Variants in TPM1 observed in about 807,000 individuals in gnomAD.
The protein encoded by TPM1 is tropomyosin alpha-1 chain.
A neutral mutation model predicts 42.9 loss-of-function variants in TPM1; 24 were observed. The ratio of observed to expected loss-of-function variants is 0.56; its 90% CI spans 0.41 to 0.79. The LOEUF (loss-of-function observed/expected upper bound fraction) is 0.79, where lower values mean the gene tolerates loss of function less well. Ranked by LOEUF, TPM1 falls within the 30% of genes least tolerant of loss-of-function variation. The pLI, the probability that TPM1 is intolerant of heterozygous loss-of-function variation, is 0.00. For synonymous variants in TPM1, 136 were observed against 130.1 expected (o/e 1.05, Z -0.31); for missense variants, 158 against 351.8 (o/e 0.45, Z 4.41).
At position 63,061,914 on chromosome 15, in the gene TPM1, A is replaced by C; in HGVS notation, c.639+126A>C. ...GGCAATATTGTGAGGTGATTTTTGG[A>C]GAGTTACTAGATAACAAATTCTTTT... On this transcript the variant is annotated intron_variant, in intron 6 of 9. Coordinates refer to ENST00000403994, the MANE Select transcript of TPM1 (RefSeq NM_001018005.2). 8.4e-6 allele frequency: 7 copies of C among 831,180 alleles called. No homozygotes were observed. The South Asian group carries it at 1.1e-4, about 13-fold the overall frequency. The allele number at this position is 831,180 out of a possible 1,614,324, so 51.5% of individuals were successfully genotyped here.
At chr15:63,069,802 C>A, downstream of TPM1, 1 of 1,604,214 alleles carries the variant, frequency 6.2e-7, no homozygotes, top group Non-Finnish European at 8.5e-7. Flanking sequence ...TTAACTGCCT[C>A]TCACCAAGTC....
chr15:63,051,634 C>T (rs1425378041), intron 2 of TPM1, among the ~76,000 whole-genome samples: 2 of 151,916 alleles, frequency 1.3e-5, no homozygotes, highest in African/African-American at 2.4e-5. Flanking sequence ...AAACCTTCTT[C>T]GTATAACTAC....
At position 63,044,176 on chromosome 15, in the gene TPM1, C is replaced by T. The variant is rs373592237; in HGVS notation, c.240+24C>T. On this transcript the variant is annotated intron_variant, in intron 2 of 9. Coordinates refer to ENST00000403994, the MANE Select transcript of TPM1 (RefSeq NM_001018005.2). ...ATGTAAGTGCACGCTCACACTGCTTCCCTCACCTCTTGCCTGCGTGGCCAC... is the reference window on the plus strand; with the variant it reads ...ATGTAAGTGCACGCTCACACTGCTTTCCTCACCTCTTGCCTGCGTGGCCAC... The T allele has an allele frequency of 3.8e-5, 61 of 1,614,168 alleles. 1 individual carries two copies. The South Asian group carries it at 5.3e-4, about 14-fold the overall frequency.
chr15:63,064,988 G>A lies in TPM1; in HGVS notation c.851+846G>A, dbSNP rs999743838. 1.8e-5 allele frequency: 18 copies of A among 985,096 alleles called. No homozygotes were observed. In the African/African-American group the frequency reaches 3.1e-4, roughly 17 times the overall value. 61.0% of individuals were successfully genotyped at this position (985,096 alleles called of 1,614,324 possible). On this transcript the variant is annotated intron_variant, in intron 9 of 9. Transcript: ENST00000403994. ...TCTCAAGAAAAAAAAGAATGGTAGAGTAAAAAGAACCCTCTGCTGAGTAAC... is the reference window on the plus strand; with the variant it reads ...TCTCAAGAAAAAAAAGAATGGTAGAATAAAAAGAACCCTCTGCTGAGTAAC...
chr15:63,070,304 A>ATGTGTGTG (rs775945347), downstream of TPM1: 1 of 794,034 alleles, frequency 1.3e-6, no homozygotes, highest in South Asian at 4.5e-5. Context: ...ATATATATAT[A>ATGTGTGTG]TATGTGTGTG....
intron 8 of TPM1, chr15:63,063,277 A>C: frequency 3.0e-6 from 3 of 985,422 alleles, no homozygotes; most frequent in Non-Finnish European, 3.6e-6. Flanking sequence ...AAATATCTAC[A>C]TCACAGAAGG....
intron 6 of TPM1, 93 bp from the exon 7 acceptor site, chr15:63,062,122 C>A: frequency 9.0e-7 from 1 of 1,115,254 alleles, no homozygotes; most frequent in Non-Finnish European, 1.4e-6. Flanking sequence ...AGATCCTTAA[C>A]ATCTGTTGGC....
chr15:63,063,272 T>C lies in TPM1; in HGVS notation c.772+627T>C, dbSNP rs55982639. Reference sequence around the variant, plus strand: ...GAACAAGAAAGAAAAAAGACAAATATCTACATCACAGAAGGGATTAGAGAA... The same window carrying C: ...GAACAAGAAAGAAAAAAGACAAATACCTACATCACAGAAGGGATTAGAGAA... On this transcript the variant is annotated intron_variant, in intron 8 of 9. Coordinates refer to ENST00000403994, the MANE Select transcript of TPM1 (RefSeq NM_001018005.2). 1.7e-3 allele frequency: 1,646 copies of C among 985,352 alleles called. 20 individuals carry two copies. In the African/African-American group the frequency reaches 0.027, roughly 16 times the overall value. 61.0% of individuals were successfully genotyped at this position (985,352 alleles called of 1,614,324 possible).
downstream of TPM1, chr15:63,070,998 T>C: frequency 6.3e-7 from 1 of 1,597,016 alleles, no homozygotes; most frequent in Non-Finnish European, 8.5e-7. Flanking sequence ...TCATCCTGTG[T>C]TTGTGATTGA....
intron 5 of TPM1, 178 bp from the exon 6 acceptor site, chr15:63,061,535 G>A: frequency 1.3e-6 from 1 of 745,720 alleles, no homozygotes; most frequent in Non-Finnish European, 2.3e-6. Context: ...GCTGTTGCGA[G>A]GTTGGGGGGC....
At chr15:63,050,812 C>A (rs1280144372) in intron 2 of TPM1, among the ~76,000 whole-genome samples, 3 of 152,216 alleles carry the variant, frequency 2.0e-5, no homozygotes, top group Non-Finnish European at 4.4e-5. Flanking sequence ...TTAGATGTAG[C>A]TTGGGCTGTG....
At chr15:63,046,708 T>G (rs531817078) in intron 2 of TPM1, 14 of 152,744 alleles carry the variant, frequency 9.2e-5, no homozygotes, top group African/African-American at 3.1e-4. Context: ...TATCTGATAT[T>G]TATAGCATAT....
chr15:63,044,287 G>C, intron 2 of TPM1, 135 bp downstream of exon 2: 3 of 1,324,674 alleles, frequency 2.3e-6, no homozygotes, highest in Non-Finnish European at 3.2e-6. Flanking sequence ...CCATGGCCCA[G>C]AGCATTGGAT....
chr15:63,070,450 G>A, downstream of TPM1: 1 of 994,226 alleles, frequency 1.0e-6, no homozygotes, highest in Non-Finnish European at 1.2e-6. Context: ...CATGCCAGAA[G>A]CCCCTGGTTG....
chr15:63,059,835 CG>C (rs1179655341), intron 4 of TPM1, 155 bp downstream of exon 4: 2 of 559,930 alleles, frequency 3.6e-6, no homozygotes, highest in Non-Finnish European at 6.7e-6. Context: ...GTCCAGAAAA[CG>C]GTTCTAATTT....
At chr15:63,064,609 T>G in intron 9 of TPM1, 10 of 1,035,120 alleles carry the variant, frequency 9.7e-6, no homozygotes, top group Non-Finnish European at 1.2e-5. Flanking sequence ...GATAAGGAAA[T>G]TGGCATGATC....
At chr15:63,066,990 G>A (rs55824716), downstream of TPM1, among the ~76,000 whole-genome samples, 2,170 of 151,938 alleles carry the variant, frequency 0.014, 53 homozygotes, top group African/African-American at 0.049. Flanking sequence ...CAGCAATTAA[G>A]TGATTTTTTT....
intron 2 of TPM1, chr15:63,048,608 C>T (rs1414441382): frequency 1.3e-6 from 2 of 1,533,394 alleles, no homozygotes; most frequent in Non-Finnish European, 1.8e-6. Flanking sequence ...AGGCGGTGCG[C>T]AGGAAGATCC....
downstream of TPM1, chr15:63,070,454 C>T (rs969499892): frequency 7.5e-5 from 75 of 994,030 alleles, no homozygotes; most frequent in Non-Finnish European, 8.9e-5. Flanking sequence ...CCAGAAGCCC[C>T]TGGTTGTCTG....
Sources: allele counts gnomAD v4.1 joint callset (sites outside exome capture counted in the v4.1 genomes callset), GRCh38; gene constraint gnomAD v4.1.1; transcripts MANE v1.5; gene names NCBI Gene and HGNC (gene_info 2026-07-23, HGNC 2026-07-21).